HHIP: variants seen among roughly 807,000 people sequenced by gnomAD.
HHIP encodes hedgehog-interacting protein.
In HHIP, 12 loss-of-function variants were observed where a neutral mutation model predicts 74.0. The observed-to-expected ratio is 0.16, with a 90% CI of 0.10 to 0.26. The LOEUF (loss-of-function observed/expected upper bound fraction) is 0.26. Among genes scored for constraint, HHIP ranks in the 10% least tolerant of loss-of-function variants. The pLI is 1.00. For missense variants in HHIP, 788 were observed against 845.0 expected, an observed-to-expected ratio of 0.93 and a Z score of 0.84; for synonymous variants, 309 against 311.6, an observed-to-expected ratio of 0.99 and a Z score of 0.09.
chr4:144,738,118 T>A lies in HHIP; in HGVS notation c.*161T>A. 7.6e-7 allele frequency: 1 copy of A among 1,311,338 alleles called. No individual in the cohort carries two copies. The highest frequency in any genetic ancestry group is 9.7e-7 in the Non-Finnish European group (1 of 1,030,716). 81.2% of individuals were successfully genotyped at this position (1,311,338 alleles called of 1,614,324 possible). On this transcript the variant is annotated 3_prime_UTR_variant, in exon 13 of 13. Transcript: ENST00000296575. ...AATGTGCAGATCCTCTGTGTGTATG[T>A]CAGCATGTTTGTTCACATATGCACA...
chr4:144,683,404 C>G (rs1729398538), intron 4 of HHIP, among the ~76,000 whole-genome samples: 1 of 152,120 alleles, frequency 6.6e-6, no homozygotes, highest in Non-Finnish European at 1.5e-5. Flanking sequence ...TGGCTAATTA[C>G]AACATTTCCT....
intron 4 of HHIP, among the ~76,000 whole-genome samples, chr4:144,684,569 G>A (rs967435672): frequency 4.0e-5 from 6 of 151,670 alleles, no homozygotes; most frequent in Admixed American, 6.6e-5. Flanking sequence ...GTGAGCCACC[G>A]CGCCCGGCCA....
At chr4:144,659,082 G>T in intron 3 of HHIP, 136 bp downstream of exon 3, 1 of 633,344 alleles carries the variant, frequency 1.6e-6, no homozygotes, top group African/African-American at 1.9e-5. Context: ...TTTCTCTGTG[G>T]TAGTTTGTTT....
At chr4:144,707,313 C>G in intron 6 of HHIP, 53 bp downstream of exon 6, 2 of 1,440,574 alleles carry the variant, frequency 1.4e-6, no homozygotes, top group East Asian at 4.7e-5. Flanking sequence ...AGTTTAAGTG[C>G]CAGAAGAAAA....
intron 4 of HHIP, among the ~76,000 whole-genome samples, chr4:144,671,496 C>T (rs1729035712): frequency 6.6e-6 from 1 of 152,178 alleles, no homozygotes; most frequent in Non-Finnish European, 1.5e-5. Context: ...ACTTAGGTGA[C>T]AGCATCAATT....
At chr4:144,690,571 G>A (rs1729624720) in intron 4 of HHIP, among the ~76,000 whole-genome samples, 1 of 152,182 alleles carries the variant, frequency 6.6e-6, no homozygotes, top group Non-Finnish European at 1.5e-5. Context: ...AGCCAAGAGA[G>A]CATCAGAGTT....
At chr4:144,649,056 A>T (rs190911864) in intron 1 of HHIP, among the ~76,000 whole-genome samples, 8 of 152,228 alleles carry the variant, frequency 5.3e-5, no homozygotes, top group Admixed American at 5.2e-4. Flanking sequence ...TGCATTCTTG[A>T]CCTATGTTAG....
In HHIP at chr4:144,646,307, G is replaced by A; in HGVS notation, c.-369G>A. 5.1e-6 allele frequency: 1 copy of A among 197,962 alleles called. No homozygotes were observed. The highest frequency in any genetic ancestry group is 1.0e-5 in the Non-Finnish European group (1 of 97,810). 12.3% of individuals were successfully genotyped at this position (197,962 alleles called of 1,614,324 possible). A position where few individuals can be genotyped will look rare whatever the true frequency, so the allele number is the denominator to read the frequency against. On this transcript the variant is annotated 5_prime_UTR_variant, in exon 1 of 13. Coordinates refer to ENST00000296575, the MANE Select transcript of HHIP (RefSeq NM_022475.3). ...CCACCTAAACAACTCCCGTTACACGGACAAGTGAACATCTGTGGCTGTCCT... is the reference window on the plus strand; with the variant it reads ...CCACCTAAACAACTCCCGTTACACGAACAAGTGAACATCTGTGGCTGTCCT...
chr4:144,708,112 T>C (rs770884604), intron 6 of HHIP, 56 bp from the exon 7 acceptor site: 19 of 1,536,502 alleles, frequency 1.2e-5, no homozygotes, highest in South Asian at 1.0e-4. Context: ...ATATTTAATA[T>C]AGGTGAAATA....
At chr4:144,730,882 T>A (rs1008148476) in intron 11 of HHIP, among the ~76,000 whole-genome samples, 2 of 152,146 alleles carry the variant, frequency 1.3e-5, no homozygotes, top group African/African-American at 4.8e-5. Context: ...TTGTCAGACG[T>A]TACCAAATAT....
At chr4:144,695,546 G>C (rs745707667) in intron 4 of HHIP, among the ~76,000 whole-genome samples, 6 of 151,252 alleles carry the variant, frequency 4.0e-5, no homozygotes, top group Non-Finnish European at 5.9e-5. Context: ...TGGAGGGGAG[G>C]AAATATTGTA....
intron 11 of HHIP, among the ~76,000 whole-genome samples, chr4:144,721,673 G>A (rs1279466264): frequency 6.6e-6 from 1 of 151,890 alleles, no homozygotes. Flanking sequence ...GGCCAAGGTG[G>A]GTGGATCACC....
At chr4:144,659,994 A>G (rs901723062) in intron 4 of HHIP, 156 bp downstream of exon 4, 1 of 602,194 alleles carries the variant, frequency 1.7e-6, no homozygotes, top group Non-Finnish European at 2.9e-6. Flanking sequence ...TGGCACCTGA[A>G]TTAGGACAGT....
At chr4:144,685,820 T>A in intron 4 of HHIP, among the ~76,000 whole-genome samples, 1 of 152,250 alleles carries the variant, frequency 6.6e-6, no homozygotes, top group Non-Finnish European at 1.5e-5. Context: ...CATGCATTGA[T>A]CTTACAATAA....
At chr4:144,737,328 G>C (rs1170179352) in intron 12 of HHIP, among the ~76,000 whole-genome samples, 1 of 152,172 alleles carries the variant, frequency 6.6e-6, no homozygotes, top group Non-Finnish European at 1.5e-5. Context: ...CCTTTCTGTT[G>C]CACTGGAGTT....
At position 144,708,416 on chromosome 4, in the gene HHIP, TAGTATCTAAGG is replaced by T. The variant is rs1400270766; in HGVS notation, c.1301+106_1301+116del. 4 of 1,167,698 alleles carry T rather than the reference TAGTATCTAAGG, an allele frequency of 3.4e-6. No homozygotes were observed. In the African/African-American group the frequency reaches 6.1e-5, roughly 18 times the overall value. 72.3% of individuals were successfully genotyped at this position (1,167,698 alleles called of 1,614,324 possible). Reference sequence around the variant, plus strand: ...TATACCATCACAGAGCAGCCAAAGGTAGTATCTAAGGCCATGCCTCTAAAGTCACAACAGGT... The same window carrying T: ...TATACCATCACAGAGCAGCCAAAGGTCCATGCCTCTAAAGTCACAACAGGT... On this transcript the variant is annotated intron_variant, in intron 7 of 12. Transcript: ENST00000296575.
intron 3 of HHIP, 65 bp from the exon 4 acceptor site, chr4:144,659,572 G>C: frequency 9.5e-7 from 1 of 1,057,620 alleles, no homozygotes; most frequent in Non-Finnish European, 1.3e-6. Flanking sequence ...TGAAAAGGAT[G>C]CCAAGTGCAT....
At chr4:144,695,221 A>G (rs1325493389) in intron 4 of HHIP, among the ~76,000 whole-genome samples, 1 of 151,796 alleles carries the variant, frequency 6.6e-6, no homozygotes, top group Non-Finnish European at 1.5e-5. Flanking sequence ...CACTGAGAGA[A>G]GAAAGAATTG....
At chr4:144,660,192 T>C (rs1728674901) in intron 4 of HHIP, 2 of 328,914 alleles carry the variant, frequency 6.1e-6, no homozygotes, top group Non-Finnish European at 1.1e-5. Context: ...AAGAGGTCTT[T>C]TGGTTATTTT....
Sources: gnomAD v4.1 joint callset for allele counts (sites outside exome capture counted in the v4.1 genomes callset) on GRCh38, gnomAD v4.1.1 for gene constraint, MANE v1.5 for transcripts, NCBI Gene and HGNC (gene_info 2026-07-23, HGNC 2026-07-21) for gene names.